MEGF11: variants seen among roughly 807,000 people sequenced by gnomAD.
MEGF11 encodes the protein multiple epidermal growth factor-like domains protein 11.
Under a neutral mutation model 146.6 loss-of-function variants are expected in MEGF11, and 126 were observed. The ratio of observed to expected loss-of-function variants is 0.86; its 90% CI spans 0.74 to 1.00. The LOEUF (loss-of-function observed/expected upper bound fraction) is 1.00, where lower values mean the gene tolerates loss of function less well. Ranked by LOEUF, MEGF11 falls within the 50% of genes least tolerant of loss-of-function variation. The pLI, the probability that MEGF11 is intolerant of heterozygous loss-of-function variation, is 0.00. For missense variants in MEGF11, 1,509 were observed against 1,521.2 expected (o/e 0.99, Z 0.13); for synonymous variants, 532 against 583.4 (o/e 0.91, Z 1.27).
chr15:66,104,231 T>A (rs188659853), intron 4 of MEGF11, among the ~76,000 whole-genome samples: 1 of 152,240 alleles, frequency 6.6e-6, no homozygotes, highest in African/African-American at 2.4e-5. Context: ...TTGTCTGGAG[T>A]TACAGCTTTC....
intron 4 of MEGF11, among the ~76,000 whole-genome samples, chr15:66,113,678 G>A (rs557748955): frequency 3.3e-5 from 5 of 152,272 alleles, no homozygotes; most frequent in African/African-American, 1.2e-4. Context: ...TGGATCACGA[G>A]GTCAGGAGAT....
Position 65,982,526 on chromosome 15 carries a change from A to G in MEGF11, c.395-38T>C. 3 of 1,440,556 alleles carry G rather than the reference A, an allele frequency of 2.1e-6. No homozygotes were observed. The highest frequency in any genetic ancestry group is 2.7e-6 in the Non-Finnish European group (3 of 1,099,320). 89.2% of individuals were successfully genotyped at this position (1,440,556 alleles called of 1,614,324 possible). A position where few individuals can be genotyped will look rare whatever the true frequency, so the allele number is the denominator to read the frequency against. On this transcript the variant is annotated intron_variant, in intron 5 of 25. Coordinates refer to ENST00000395614, the MANE Select transcript of MEGF11 (RefSeq NM_001385028.1). This position sits in a 1 kb window ranked among gnomAD's most constrained non-coding sequence, Gnocchi z 5.6. ...GGACAGTCAGGGATCAGGAGCCCCG[A>G]AGGCTCTCCTTGGGGCAGGGGCCAG...
chr15:65,920,311 G>A (rs2079134164), intron 15 of MEGF11, among the ~76,000 whole-genome samples: 1 of 152,192 alleles, frequency 6.6e-6, no homozygotes, highest in Non-Finnish European at 1.5e-5. Context: ...TGCCAAGAGG[G>A]TGACATGCAT....
chr15:66,181,944 G>A (rs2090560972), intron 1 of MEGF11, among the ~76,000 whole-genome samples: 1 of 152,130 alleles, frequency 6.6e-6, no homozygotes, highest in African/African-American at 2.4e-5. Flanking sequence ...GTCCCCTTGG[G>A]CAACCAGCCA....
At chr15:65,905,902 ATTATGAT>A (rs1203288276) in intron 24 of MEGF11, 176 bp downstream of exon 24, 4 of 472,822 alleles carry the variant, frequency 8.5e-6, no homozygotes, top group South Asian at 8.9e-5. Flanking sequence ...ATTCATTATT[ATTATGAT>A]TGATTGCTCC....
chr15:65,955,823 A>AATATATATAAATATATATATATATATAT (rs71139451), intron 10 of MEGF11, among the ~76,000 whole-genome samples: 10,281 of 39,028 alleles, frequency 0.26, 1,930 homozygotes, highest in Non-Finnish European at 0.35. Flanking sequence ...CAATACTTTA[A>AATATATATAAATATATATATATATATAT]ATATATAACA....
intron 1 of MEGF11, among the ~76,000 whole-genome samples, chr15:66,200,630 A>G (rs537606712): frequency 4.0e-5 from 6 of 148,918 alleles, no homozygotes; most frequent in African/African-American, 7.4e-5. Context: ...CTGTGACAAC[A>G]GCAGCCACCT....
intron 10 of MEGF11, among the ~76,000 whole-genome samples, chr15:65,933,276 T>C (rs2079643848): frequency 6.6e-6 from 1 of 152,218 alleles, no homozygotes; most frequent in Non-Finnish European, 1.5e-5. Context: ...CACATAAGAA[T>C]CTGACCTCTG....
intron 4 of MEGF11, among the ~76,000 whole-genome samples, chr15:66,104,116 T>C (rs890902227): frequency 3.9e-5 from 6 of 152,218 alleles, no homozygotes; most frequent in Admixed American, 1.3e-4. Context: ...TGGGAGCCCC[T>C]CCTTTGTCCC....
chr15:66,167,026 A>C (rs1597131497), intron 1 of MEGF11, among the ~76,000 whole-genome samples: 1 of 151,986 alleles, frequency 6.6e-6, no homozygotes, highest in African/African-American at 2.4e-5. Flanking sequence ...TTGAGGTCAT[A>C]GTTGATGCAG....
At chr15:66,122,351 G>C (rs914157116) in intron 3 of MEGF11, among the ~76,000 whole-genome samples, 1 of 152,086 alleles carries the variant, frequency 6.6e-6, no homozygotes, top group Admixed American at 6.5e-5. Flanking sequence ...AGCAGGCAAG[G>C]ATTTTAAAGC....
intron 4 of MEGF11, among the ~76,000 whole-genome samples, chr15:66,101,592 A>G (rs535786152): frequency 6.6e-5 from 10 of 152,312 alleles, no homozygotes; most frequent in African/African-American, 2.4e-4. Flanking sequence ...CCATGAAGGC[A>G]AAGAATGGGC....
chr15:65,909,746 C>T lies in MEGF11; in HGVS notation c.2890G>A (p.Val964Met), dbSNP rs1023966516. ...AGWTPYSYVNVLDSHFQISAL... is the reference protein window; with the variant it reads ...AGWTPYSYVNMLDSHFQISAL... ...GACTCACACCACTACTGACCTAACA[C>T]GTTCACATAGCTGTAGGGGGTCCAG... Residue 964 changes from valine to methionine, a missense_variant, in exon 22 of 26, where the codon GTG (valine) becomes ATG (methionine). Val to Met is a conservative substitution (Grantham distance 21). Coordinates refer to ENST00000395614, the MANE Select transcript of MEGF11 (RefSeq NM_001385028.1). 5.7e-6 allele frequency: 9 copies of T among 1,578,848 alleles called. No homozygotes were observed. The highest frequency in any genetic ancestry group is 2.3e-5 in the South Asian group (2 of 88,098).
At chr15:66,183,192 G>T (rs2090598732) in intron 1 of MEGF11, among the ~76,000 whole-genome samples, 2 of 152,164 alleles carry the variant, frequency 1.3e-5, no homozygotes, top group African/African-American at 4.8e-5. Flanking sequence ...GGAGTGAGGA[G>T]AGGGGAAGGA....
At chr15:66,065,362 G>C (rs960803319) in intron 5 of MEGF11, among the ~76,000 whole-genome samples, 4 of 152,000 alleles carry the variant, frequency 2.6e-5, no homozygotes, top group African/African-American at 9.7e-5. Flanking sequence ...GGGGAAAATG[G>C]CAAGTGTCAA....
At chr15:66,151,186 T>A (rs1038033226) in intron 1 of MEGF11, among the ~76,000 whole-genome samples, 2 of 152,142 alleles carry the variant, frequency 1.3e-5, no homozygotes, top group African/African-American at 4.8e-5. Context: ...ACAGGCTGCA[T>A]GCGGAAAGCC....
At chr15:65,910,092 G>A (rs2078752097) in intron 21 of MEGF11, 1 of 579,870 alleles carries the variant, frequency 1.7e-6, no homozygotes, top group East Asian at 3.7e-5. Context: ...AGAGGAAGCA[G>A]ATTAGCTGGG....
chr15:65,897,259 C>T lies in MEGF11; in HGVS notation c.*675G>A, dbSNP rs1460548267. ...TTGTAGACTGAAAGAGACACTGCTG[C>T]ACTTTGGAAACGTGTGTGTGTGTCT... On this transcript the variant is annotated 3_prime_UTR_variant, in exon 26 of 26. Coordinates refer to ENST00000395614, the MANE Select transcript of MEGF11 (RefSeq NM_001385028.1). 1 of 152,186 alleles carries T rather than the reference C, an allele frequency of 6.6e-6. No homozygotes were observed. Among genetic ancestry groups the T allele is most frequent in the Non-Finnish European group, 1.5e-5 (1 of 68,038 alleles). The allele number at this position is 152,186 out of a possible 1,614,324, so 9.4% of individuals were successfully genotyped here.
intron 1 of MEGF11, among the ~76,000 whole-genome samples, chr15:66,157,807 T>A (rs184736617): frequency 1.6e-4 from 25 of 152,294 alleles, no homozygotes; most frequent in African/African-American, 6.0e-4. Flanking sequence ...GCCCAGGAAA[T>A]CTACAGGAGC....
Sources: allele counts gnomAD v4.1 joint callset (sites outside exome capture counted in the v4.1 genomes callset), GRCh38; gene constraint gnomAD v4.1.1; non-coding constraint Gnocchi (gnomAD v3.1); transcripts MANE v1.5; gene names NCBI Gene and HGNC (gene_info 2026-07-23, HGNC 2026-07-21).